The following HMCN1 variants were observed in gnomAD, a reference collection of about 807,000 sequenced individuals.
HMCN1 encodes the protein hemicentin 1.
In HMCN1, 321 loss-of-function variants were observed where a neutral mutation model predicts 625.9. That is an observed-to-expected ratio of 0.51 (90% CI 0.47 to 0.56). The LOEUF (loss-of-function observed/expected upper bound fraction) is 0.56, where lower values mean the gene tolerates loss of function less well. Among genes scored for constraint, HMCN1 ranks in the 20% least tolerant of loss-of-function variants. The pLI is 0.00. For synonymous variants in HMCN1, 2,425 were observed against 2,417.6 expected (o/e 1.00, Z -0.09); for missense variants, 6,588 against 6,887.3 (o/e 0.96, Z 1.54).
intron 2 of HMCN1, among the ~76,000 whole-genome samples, chr1:185,854,053 T>A (rs1364353108): frequency 6.6e-6 from 1 of 152,166 alleles, no homozygotes; most frequent in Non-Finnish European, 1.5e-5. Flanking sequence ...ATTTTGTTAG[T>A]TTTTAGGTGA....
chr1:185,822,000 T>C (rs1228650139), intron 1 of HMCN1, among the ~76,000 whole-genome samples: 1 of 151,922 alleles, frequency 6.6e-6, no homozygotes, highest in East Asian at 1.9e-4. Flanking sequence ...TACATAATCT[T>C]TGGGAAAAGG....
chr1:185,989,701 C>T (rs1652278223), intron 21 of HMCN1, 54 bp downstream of exon 21: 2 of 1,557,390 alleles, frequency 1.3e-6, no homozygotes, highest in Admixed American at 1.7e-5. Flanking sequence ...TGTGCCAAAA[C>T]TCACAGTTCT....
In HMCN1 at chr1:185,923,441, G is replaced by C; in HGVS notation, c.1073G>C (p.Arg358Thr). 1 of 1,610,694 alleles carries C rather than the reference G, an allele frequency of 6.2e-7. No individual in the cohort carries two copies. The highest frequency in any genetic ancestry group is 8.5e-7 in the Non-Finnish European group (1 of 1,177,328). The change falls in exon 8 of 107, where the codon AGA (arginine) becomes ACA (threonine). Residue 358 changes from arginine (R) to threonine (T), a missense_variant. Around this residue, in one of 3 missense-constraint regions of HMCN1, gnomAD observed 4,628 missense variants for 4,853.1 expected, o/e 0.95. Coordinates refer to ENST00000271588, the MANE Select transcript of HMCN1 (RefSeq NM_031935.3). Reference protein sequence around the residue: ...LNTSGISTPARIDLLELLSIS... With the variant: ...LNTSGISTPATIDLLELLSIS... ...ACTTCTGGAATTTCCACTCCAGCTA[G>C]AATAGATCTTCTTGAACTTTTGAGT...
intron 1 of HMCN1, among the ~76,000 whole-genome samples, chr1:185,782,904 T>A (rs1657244089): frequency 6.6e-6 from 1 of 152,218 alleles, no homozygotes; most frequent in Non-Finnish European, 1.5e-5. Flanking sequence ...CTTTGCTAGG[T>A]TGGGGAAGTT....
intron 16 of HMCN1, among the ~76,000 whole-genome samples, chr1:185,980,486 C>T (rs931316133): frequency 2.6e-5 from 4 of 152,128 alleles, no homozygotes; most frequent in Non-Finnish European, 4.4e-5. Flanking sequence ...TGTTTCTTTG[C>T]GAATCTGGCC....
At position 186,070,690 on chromosome 1, in the gene HMCN1, C is replaced by T; in HGVS notation, c.8072C>T (p.Thr2691Ile). The change falls in exon 52 of 107, where the codon ACT (threonine) becomes ATT (isoleucine). Residue 2691 changes from threonine (T) to isoleucine (I), a missense_variant. By Grantham distance (89) the Thr-to-Ile change is moderately conservative. Transcript: ENST00000271588. ...PKEVKIKVNNTLTLECEAYAI... is the reference protein window; with the variant it reads ...PKEVKIKVNNILTLECEAYAI... Reference sequence around the variant, plus strand: ...GAAGTGAAGATCAAAGTAAACAACACTCTGACCTTGGAATGTGAAGCGTAT... The same window carrying T: ...GAAGTGAAGATCAAAGTAAACAACATTCTGACCTTGGAATGTGAAGCGTAT... The T allele has an allele frequency of 6.2e-7, 1 of 1,613,872 alleles. No homozygotes were observed. Among genetic ancestry groups the T allele is most frequent in the Non-Finnish European group, 8.5e-7 (1 of 1,179,778 alleles).
At chr1:186,188,845 A>T (rs1355347986) in intron 106 of HMCN1, among the ~76,000 whole-genome samples, 1 of 152,164 alleles carries the variant, frequency 6.6e-6, no homozygotes, top group Admixed American at 6.5e-5. Context: ...ACCTCTAAAA[A>T]TACTATTACT....
intron 46 of HMCN1, among the ~76,000 whole-genome samples, chr1:186,059,034 T>C (rs1426107345): frequency 6.6e-6 from 1 of 152,038 alleles, no homozygotes; most frequent in African/African-American, 2.4e-5. Context: ...CTCAGGGTTT[T>C]TGTAAGGATG....
intron 1 of HMCN1, among the ~76,000 whole-genome samples, chr1:185,837,018 GTGTGTGTGTGTGTA>G (rs1252554863): frequency 6.7e-6 from 1 of 149,362 alleles, no homozygotes; most frequent in African/African-American, 2.5e-5. Context: ...GTGTGTGTGT[GTGTGTGTGTGTGTA>G]TATATAAAAT....
chr1:185,994,601 G>A (rs1652658092), intron 23 of HMCN1, among the ~76,000 whole-genome samples: 2 of 151,984 alleles, frequency 1.3e-5, no homozygotes, highest in African/African-American at 4.8e-5. Flanking sequence ...TGGCATTACA[G>A]GCTATTTTCC....
rs1306263384 is a variant in HMCN1, at chr1:185,734,733, A to G, written c.-47A>G. 2.5e-6 allele frequency: 4 copies of G among 1,598,196 alleles called. No homozygotes were observed. In the African/African-American group the frequency reaches 5.4e-5, roughly 21 times the overall value. ...TGCCTGTTGTTGAGGAGGACTGAGCACAGTGCTTAGGCGCTGAGGGGGAAA... is the reference window on the plus strand; with the variant it reads ...TGCCTGTTGTTGAGGAGGACTGAGCGCAGTGCTTAGGCGCTGAGGGGGAAA... On this transcript the variant is annotated 5_prime_UTR_variant, in exon 1 of 107. Transcript: ENST00000271588.
chr1:185,943,843 T>A (rs1470904333), intron 11 of HMCN1, among the ~76,000 whole-genome samples: 1 of 152,154 alleles, frequency 6.6e-6, no homozygotes, highest in Non-Finnish European at 1.5e-5. Flanking sequence ...CCCATCCTAA[T>A]GCTATCTAAG....
intron 81 of HMCN1, 83 bp from the exon 82 acceptor site, chr1:186,125,521 T>G (rs1661599626): frequency 1.8e-6 from 2 of 1,081,816 alleles, no homozygotes; most frequent in Non-Finnish European, 2.8e-6. Context: ...CTGAAAAGAG[T>G]TTTTTATGTG....
intron 1 of HMCN1, among the ~76,000 whole-genome samples, chr1:185,840,093 C>T (rs2102306716): frequency 6.6e-6 from 1 of 152,180 alleles, no homozygotes; most frequent in Non-Finnish European, 1.5e-5. Flanking sequence ...AGCTCAAAGT[C>T]AGGAAACAGT....
At chr1:185,753,844 A>G (rs989086356) in intron 1 of HMCN1, among the ~76,000 whole-genome samples, 1 of 152,226 alleles carries the variant, frequency 6.6e-6, no homozygotes, top group Non-Finnish European at 1.5e-5. Context: ...TAGTATAACC[A>G]TTATGGAAAA....
intron 36 of HMCN1, among the ~76,000 whole-genome samples, chr1:186,031,981 G>A (rs765683567): frequency 2.6e-5 from 4 of 151,350 alleles, no homozygotes; most frequent in Non-Finnish European, 4.4e-5. Context: ...ACCCCACATG[G>A]ATACCAAGAT....
In HMCN1 at chr1:185,965,464, C is replaced by G. The variant is rs556735757; in HGVS notation, c.2099-338C>G. ...TCTCTCTGTTCTTTTAGTATTGTTT[C>G]TCTAAGATGTATTCTGATTTCTAAG... On this transcript the variant is annotated intron_variant, in intron 13 of 106. Transcript: ENST00000271588. 1.2e-4 allele frequency among the ~76,000 whole-genome samples: 19 copies of G among 152,132 alleles called. 1 individual carries two copies. In the South Asian group the frequency reaches 3.5e-3, roughly 28 times the overall value.
At chr1:186,014,291 T>G (rs1046210150) in intron 30 of HMCN1, among the ~76,000 whole-genome samples, 3 of 151,270 alleles carry the variant, frequency 2.0e-5, no homozygotes, top group African/African-American at 7.3e-5. Flanking sequence ...TTATATAGAT[T>G]ATATTGATAC....
chr1:186,183,030 TAAG>T (rs1025525713), intron 105 of HMCN1, among the ~76,000 whole-genome samples: 1 of 152,182 alleles, frequency 6.6e-6, no homozygotes, highest in Non-Finnish European at 1.5e-5. Flanking sequence ...TAAGGAGAAA[TAAG>T]AACTTGTATA....
Sources: allele counts gnomAD v4.1 joint callset (sites outside exome capture counted in the v4.1 genomes callset), GRCh38; gene constraint gnomAD v4.1.1; regional missense constraint gnomAD v4.1.1; transcripts MANE v1.5; gene names NCBI Gene and HGNC (gene_info 2026-07-23, HGNC 2026-07-21).